KIZ: variants seen among roughly 807,000 people sequenced by gnomAD.
KIZ encodes the protein kizuna centrosomal protein.
Under a neutral mutation model 79.6 loss-of-function variants are expected in KIZ, and 68 were observed. That is an observed-to-expected ratio of 0.85 (90% CI 0.70 to 1.05). The LOEUF is 1.05. KIZ is among the 50% of genes least tolerant of loss of function. KIZ has a pLI of 0.00. For missense variants in KIZ, 797 were observed against 800.4 expected, an observed-to-expected ratio of 1.00 and a Z score of 0.05; for synonymous variants, 280 against 281.8, an observed-to-expected ratio of 0.99 and a Z score of 0.06.
intron 6 of KIZ, among the ~76,000 whole-genome samples, chr20:21,185,658 A>C (rs2122969954): frequency 6.7e-6 from 1 of 148,860 alleles, no homozygotes; most frequent in Middle Eastern, 3.6e-3. Flanking sequence ...TGATCCACCC[A>C]CCTTAGCCTC....
At chr20:21,139,513 G>C (rs1388304192) in intron 3 of KIZ, among the ~76,000 whole-genome samples, 1 of 152,112 alleles carries the variant, frequency 6.6e-6, no homozygotes. Flanking sequence ...AGATTTCATG[G>C]AGAAAATGAA....
chr20:21,131,875 G>A (rs942798646), intron 1 of KIZ: 16 of 351,816 alleles, frequency 4.5e-5, no homozygotes, highest in South Asian at 3.9e-4. Flanking sequence ...TTTCCCTGGC[G>A]ACTGCTGCAT....
chr20:21,192,006 G>C (rs2035128372), intron 6 of KIZ, among the ~76,000 whole-genome samples: 1 of 152,148 alleles, frequency 6.6e-6, no homozygotes, highest in Non-Finnish European at 1.5e-5. Flanking sequence ...CCCAGCTTCT[G>C]CCGGCGGGGA....
intron 6 of KIZ, among the ~76,000 whole-genome samples, chr20:21,168,626 T>G (rs2034064946): frequency 6.6e-6 from 1 of 152,094 alleles, no homozygotes; most frequent in Admixed American, 6.5e-5. Context: ...CATCGCCAAG[T>G]CAATCCTAAG....
chr20:21,147,995 G>GTGTGTGTGTGT (rs1555874718), intron 4 of KIZ, among the ~76,000 whole-genome samples: 25 of 151,096 alleles, frequency 1.7e-4, no homozygotes, highest in Middle Eastern at 3.4e-3. Context: ...GTGTGTGTGT[G>GTGTGTGTGTGT]GCAGCAGATG....
At chr20:21,149,281 A>G (rs1340222430) in intron 4 of KIZ, among the ~76,000 whole-genome samples, 1 of 152,202 alleles carries the variant, frequency 6.6e-6, no homozygotes, top group East Asian at 1.9e-4. Context: ...TTCCTGGTGA[A>G]ATAAAAACAA....
intron 6 of KIZ, among the ~76,000 whole-genome samples, chr20:21,166,031 A>G (rs2033916337): frequency 6.6e-6 from 1 of 151,878 alleles, no homozygotes; most frequent in African/African-American, 2.4e-5. Flanking sequence ...CAATGGCGCA[A>G]CCTCGGCTCA....
intron 6 of KIZ, among the ~76,000 whole-genome samples, chr20:21,192,473 C>T (rs935327827): frequency 1.3e-5 from 2 of 151,964 alleles, no homozygotes; most frequent in African/African-American, 4.8e-5. Flanking sequence ...ATACAATTTC[C>T]TTCCCTAAAA....
chr20:21,213,933 G>C (rs2036178030), intron 7 of KIZ: 1 of 152,380 alleles, frequency 6.6e-6, no homozygotes, highest in African/African-American at 2.4e-5. Context: ...GACCATCTTA[G>C]TACTTGATTG....
Position 21,229,039 on chromosome 20 carries a change from G to A in KIZ, c.1707G>A (p.Lys569=), listed in dbSNP as rs1386835041. The change falls in exon 10 of 13, where the codon AAG becomes AAA. Residue 569 remains lysine (K), a synonymous_variant. Transcript: ENST00000619189. Reference sequence around the variant, plus strand: ...CAGAAGCCTATCAGTTGCTGAAGAAGGCCACCCTTCAGGATAATACAAATC... The same window carrying A: ...CAGAAGCCTATCAGTTGCTGAAGAAAGCCACCCTTCAGGATAATACAAATC... ...TETEAYQLLK[K]ATLQDNTNQT... 1.9e-6 allele frequency: 3 copies of A among 1,610,490 alleles called. No individual in the cohort carries two copies. The highest frequency in any genetic ancestry group is 2.5e-6 in the Non-Finnish European group (3 of 1,177,368).
intron 9 of KIZ, among the ~76,000 whole-genome samples, chr20:21,221,806 T>C (rs1270714971): frequency 6.6e-6 from 1 of 152,150 alleles, no homozygotes; most frequent in Admixed American, 6.5e-5. Flanking sequence ...TTGTCACTGG[T>C]GACTGGATTT....
At chr20:21,173,700 A>G (rs1600452975) in intron 6 of KIZ, among the ~76,000 whole-genome samples, 1 of 152,008 alleles carries the variant, frequency 6.6e-6, no homozygotes, top group Non-Finnish European at 1.5e-5. Flanking sequence ...ATTTATTGAG[A>G]TAAGGAACAT....
At chr20:21,137,825 G>A (rs2032285478) in intron 3 of KIZ, among the ~76,000 whole-genome samples, 1 of 152,200 alleles carries the variant, frequency 6.6e-6, no homozygotes, top group African/African-American at 2.4e-5. Flanking sequence ...CATCCAGGCT[G>A]AAGTGCAATG....
chr20:21,137,953 G>T (rs2032293152), intron 3 of KIZ, among the ~76,000 whole-genome samples: 1 of 152,030 alleles, frequency 6.6e-6, no homozygotes, highest in East Asian at 1.9e-4. Flanking sequence ...TTATTTTTTT[G>T]TAGAGATGAG....
At chr20:21,162,545 G>A (rs771104025) in intron 5 of KIZ, 38 bp downstream of exon 5, 1 of 1,531,344 alleles carries the variant, frequency 6.5e-7, no homozygotes. Flanking sequence ...TGATTTTTCT[G>A]GGTGGTAGTG....
intron 6 of KIZ, among the ~76,000 whole-genome samples, chr20:21,177,633 C>T (rs758712046): frequency 8.2e-4 from 124 of 152,144 alleles, no homozygotes; most frequent in East Asian, 5.8e-4. Flanking sequence ...CTTTTGGTGT[C>T]GTATCCATGA....
At chr20:21,152,129 G>A (rs1363391683) in intron 4 of KIZ, among the ~76,000 whole-genome samples, 2 of 152,170 alleles carry the variant, frequency 1.3e-5, no homozygotes, top group African/African-American at 4.8e-5. Flanking sequence ...CAAGGAATTA[G>A]TTGTCCTGGG....
intron 10 of KIZ, among the ~76,000 whole-genome samples, chr20:21,230,748 A>T (rs530634264): frequency 2.3e-4 from 35 of 152,342 alleles, no homozygotes; most frequent in Non-Finnish European, 4.3e-4. Context: ...ATTGTAGTTT[A>T]TTGAGTTATA....
intron 4 of KIZ, chr20:21,158,521 G>A (rs546465800): frequency 6.6e-6 from 1 of 152,186 alleles, no homozygotes; most frequent in African/African-American, 2.4e-5. Context: ...ATAAATTATG[G>A]TACATCTATA....
Sources: allele counts gnomAD v4.1 joint callset (sites outside exome capture counted in the v4.1 genomes callset), GRCh38; gene constraint gnomAD v4.1.1; transcripts MANE v1.5; gene names NCBI Gene and HGNC (gene_info 2026-07-23, HGNC 2026-07-21).